Variants in KIF1A observed in about 807,000 individuals in gnomAD.
KIF1A encodes the protein kinesin family member 1A.
KIF1A carries 46 observed loss-of-function variants against 227.3 expected under a neutral mutation model. That is an observed-to-expected ratio of 0.20 (90% CI 0.16 to 0.26). The LOEUF is 0.26. Ranked by LOEUF, KIF1A falls within the 10% of genes least tolerant of loss-of-function variation. The pLI is 1.00. For synonymous variants in KIF1A, 1,022 were observed against 1,012.8 expected (o/e 1.01, Z -0.17); for missense variants, 1,683 against 2,485.9 (o/e 0.68, Z 6.87).
intron 37 of KIF1A, among the ~76,000 whole-genome samples, chr2:240,738,401 C>T (rs1240343408): frequency 6.6e-6 from 1 of 152,218 alleles, no homozygotes; most frequent in East Asian, 1.9e-4. Flanking sequence ...CTTTCGCTGA[C>T]CCTGTGCCCA....
chr2:240,807,130 G>GTGTGTATATATATATATATATATATA, intron 1 of KIF1A, among the ~76,000 whole-genome samples: 1 of 119,492 alleles, frequency 8.4e-6, no homozygotes, highest in South Asian at 3.1e-4. Flanking sequence ...GTGTGTGTGT[G>GTGTGTATATATATATATATATATATA]TATATATATA....
Position 240,773,212 on chromosome 2 carries a change from T to C in KIF1A, c.1082A>G (p.Asn361Ser). 6.2e-7 allele frequency: 1 copy of C among 1,613,980 alleles called. No individual in the cohort carries two copies. The highest frequency in any genetic ancestry group is 8.5e-7 in the Non-Finnish European group (1 of 1,179,852). Reference protein sequence around the residue: ...AKQIRCNAVINEDPNNKLIRE... With the variant: ...AKQIRCNAVISEDPNNKLIRE... The stretch of plus-strand genomic sequence containing the variant: ...GATCAGCTTGTTGTTGGGGTCCTCA[T>C]TGATGACAGCATTGCAGCGGATCTG... Residue 361 changes from asparagine to serine, a missense_variant, in exon 13 of 49, where the codon AAT (asparagine) becomes AGT (serine). By Grantham distance (46) the Asn-to-Ser change is conservative. This residue lies in a region of KIF1A where 110 missense variants were observed against 133.1 expected (regional missense o/e 0.83). Coordinates refer to ENST00000498729, the MANE Select transcript of KIF1A (RefSeq NM_001244008.2).
At chr2:240,767,879 T>C (rs2125930272) in intron 17 of KIF1A, among the ~76,000 whole-genome samples, 1 of 152,116 alleles carries the variant, frequency 6.6e-6, no homozygotes, top group Middle Eastern at 3.4e-3. Flanking sequence ...AGCCCTGGAG[T>C]CTGGGGAGTG....
chr2:240,716,143 A>C lies in KIF1A; in HGVS notation c.*1221T>G, dbSNP rs779540973. Reference sequence around the variant, plus strand: ...TGCAGCAGCGAAGAGCTCCTTGAAGACAATAACCACCAAGCCAGCCACCCT... The same window carrying C: ...TGCAGCAGCGAAGAGCTCCTTGAAGCCAATAACCACCAAGCCAGCCACCCT... On this transcript the variant is annotated 3_prime_UTR_variant, in exon 49 of 49. Coordinates refer to ENST00000498729, the MANE Select transcript of KIF1A (RefSeq NM_001244008.2). 1.3e-5 allele frequency: 2 copies of C among 152,108 alleles called. No homozygotes were observed. The highest frequency in any genetic ancestry group is 2.9e-5 in the Non-Finnish European group (2 of 68,040). 9.4% of individuals were successfully genotyped at this position (152,108 alleles called of 1,614,324 possible). A position where few individuals can be genotyped will look rare whatever the true frequency, so the allele number is the denominator to read the frequency against.
At chr2:240,727,680 G>C (rs760111546) in intron 38 of KIF1A, among the ~76,000 whole-genome samples, 1 of 152,180 alleles carries the variant, frequency 6.6e-6, no homozygotes, top group Non-Finnish European at 1.5e-5. Context: ...TGATGAGCAC[G>C]GCCTGAGCCA....
intron 41 of KIF1A, 34 bp from the exon 42 acceptor site, chr2:240,723,592 T>C: frequency 6.6e-7 from 1 of 1,508,904 alleles, no homozygotes; most frequent in South Asian, 1.3e-5. Flanking sequence ...CACCCCTACC[T>C]GATGGGTGGC....
chr2:240,770,186 C>T (rs890591655), intron 15 of KIF1A, among the ~76,000 whole-genome samples: 2 of 152,242 alleles, frequency 1.3e-5, no homozygotes, highest in African/African-American at 4.8e-5. Flanking sequence ...CTCAGTGGGG[C>T]CTCTGCCTTT....
In KIF1A at chr2:240,725,395, A is replaced by C; in HGVS notation, c.4132T>G (p.Cys1378Gly). 1.2e-6 allele frequency: 2 copies of C among 1,612,386 alleles called. No individual in the cohort carries two copies. Among genetic ancestry groups the C allele is most frequent in the Non-Finnish European group, 1.7e-6 (2 of 1,179,726 alleles). Reference protein sequence around the residue: ...TLSAYIEMENCTQPAVVTKDF... With the variant: ...TLSAYIEMENGTQPAVVTKDF... ...TTGGTGACAACAGCCGGCTGGGTGC[A>C]GTTCTCCATCTGAGATAGGCGGGAG... is the stretch of plus-strand genomic sequence containing the variant. Residue 1378 changes from cysteine (C) to glycine (G), a missense_variant, in exon 40 of 49, where the codon TGC becomes GGC. Physicochemically the swap from Cys to Gly is radical, Grantham distance 159. This residue lies in a region of KIF1A where 759 missense variants were observed against 1,020.2 expected (regional missense o/e 0.74). Coordinates refer to ENST00000498729, the MANE Select transcript of KIF1A (RefSeq NM_001244008.2). This position sits in a 1 kb window ranked among gnomAD's most constrained non-coding sequence, Gnocchi z 5.8.
chr2:240,771,246 A>G, intron 14 of KIF1A, 142 bp from the exon 15 acceptor site: 1 of 993,538 alleles, frequency 1.0e-6, no homozygotes, highest in East Asian at 2.5e-5. Context: ...TGAAGATGGG[A>G]AAAAGTAAGA....
At chr2:240,780,082 G>A (rs2053430166) in intron 10 of KIF1A, among the ~76,000 whole-genome samples, 1 of 151,384 alleles carries the variant, frequency 6.6e-6, no homozygotes, top group South Asian at 2.1e-4. Flanking sequence ...AGGCCCCCGC[G>A]AGTTCCTCCG....
intron 38 of KIF1A, among the ~76,000 whole-genome samples, chr2:240,734,102 GGTGGCCACGGCCAGAGGAGC>G (rs920830001): frequency 1.3e-5 from 2 of 152,246 alleles, no homozygotes; most frequent in African/African-American, 4.8e-5. Flanking sequence ...AAGGATGCTC[GGTGGCCACGGCCAGAGGAGC>G]GTGGCTGGAG....
chr2:240,811,851 G>A lies in KIF1A; in HGVS notation c.-61+8271C>T, dbSNP rs989893973. ...GCTGGGGACATAGAGGCAACACCAC[G>A]GGTGTCTGAGGCTCTGACTAGACCC... On this transcript the variant is annotated intron_variant, in intron 1 of 48. Coordinates refer to ENST00000498729, the MANE Select transcript of KIF1A (RefSeq NM_001244008.2). Among the ~76,000 whole-genome samples, 144 of 152,236 alleles carry A rather than the reference G, an allele frequency of 9.5e-4. 1 individual carries two copies. The highest frequency in any genetic ancestry group is 3.1e-3 in the African/African-American group (130 of 41,532).
Position 240,785,034 on chromosome 2 carries a change from G to A in KIF1A, c.675C>T (p.Phe225=), listed in dbSNP as rs759660377. ...SRSHAVFNII[F]TQKRHDAETN... Reference sequence around the variant, plus strand: ...TCTCTGCGTCATGGCGCTTCTGGGTGAAGATGATGTTGAAGACGGCGTGGG... The same window carrying A: ...TCTCTGCGTCATGGCGCTTCTGGGTAAAGATGATGTTGAAGACGGCGTGGG... Residue 225 remains phenylalanine, a synonymous_variant, in exon 7 of 49, where the codon TTC becomes TTT. Coordinates refer to ENST00000498729, the MANE Select transcript of KIF1A (RefSeq NM_001244008.2). The A allele has an allele frequency of 1.9e-6, 3 of 1,613,550 alleles. No individual in the cohort carries two copies. The highest frequency in any genetic ancestry group is 1.3e-5 in the African/African-American group (1 of 74,948).
chr2:240,719,213 A>T lies in KIF1A; in HGVS notation c.5022-15T>A, dbSNP rs778341179. On this transcript the variant is annotated splice_polypyrimidine_tract_variant and intron_variant, in intron 46 of 48. Transcript: ENST00000498729. ...AAACGATCGGGCTGAAGGCAGAGAG[A>T]GCTGCTCGCTGGGGCCCTCGGTGGG... is the stretch of plus-strand genomic sequence containing the variant. 7 of 1,589,056 alleles carry T rather than the reference A, an allele frequency of 4.4e-6. No homozygotes were observed. The highest frequency in any genetic ancestry group is 5.1e-6 in the Non-Finnish European group (6 of 1,165,274).
chr2:240,785,923 G>A lies in KIF1A; in HGVS notation c.608+412C>T, dbSNP rs887189322. Reference sequence around the variant, plus strand: ...GAGGCCCAGGGCAGCAGAGGCCAAGGAGCCAGGTTGCTTATGGCTGCAGCA... The same window carrying A: ...GAGGCCCAGGGCAGCAGAGGCCAAGAAGCCAGGTTGCTTATGGCTGCAGCA... On this transcript the variant is annotated intron_variant, in intron 6 of 48. Transcript: ENST00000498729. Among the ~76,000 whole-genome samples, 6 of 152,308 alleles carry A rather than the reference G, an allele frequency of 3.9e-5. No homozygotes were observed. In the South Asian group the frequency reaches 8.3e-4, roughly 21 times the overall value.
At chr2:240,786,761 TAG>T (rs2054910494) in intron 5 of KIF1A, among the ~76,000 whole-genome samples, 2 of 71,280 alleles carry the variant, frequency 2.8e-5, no homozygotes, top group South Asian at 6.3e-4. Flanking sequence ...AGTGAGAGGG[TAG>T]GGGCCACCAT....
At chr2:240,769,332 TC>T in intron 16 of KIF1A, 124 bp from the exon 17 acceptor site, 2 of 767,958 alleles carry the variant, frequency 2.6e-6, no homozygotes, top group Non-Finnish European at 4.3e-6. Context: ...CCCATGCGTG[TC>T]CCATCTGGTC....
At chr2:240,807,110 GTGTGTGTGTGTGTGTGTGTGTA>G (rs1225707435) in intron 1 of KIF1A, among the ~76,000 whole-genome samples, 10 of 95,406 alleles carry the variant, frequency 1.0e-4, no homozygotes, top group African/African-American at 1.7e-4. Context: ...GTGTGTGTGT[GTGTGTGTGTGTGTGTGTGTGTA>G]TATATATATA....
intron 33 of KIF1A, among the ~76,000 whole-genome samples, chr2:240,743,189 C>T (rs1396377339): frequency 6.6e-6 from 1 of 152,190 alleles, no homozygotes; most frequent in African/African-American, 2.4e-5. Flanking sequence ...GGAACCAGGG[C>T]AAGGGTCAAG....
Sources: gnomAD v4.1 joint callset for allele counts (sites outside exome capture counted in the v4.1 genomes callset) on GRCh38, gnomAD v4.1.1 for gene constraint, gnomAD v4.1.1 regional missense constraint, Gnocchi (gnomAD v3.1) non-coding constraint, MANE v1.5 for transcripts, NCBI Gene and HGNC (gene_info 2026-07-23, HGNC 2026-07-21) for gene names.